GLIPR1L2: variants seen among roughly 807,000 people sequenced by gnomAD.
The protein encoded by GLIPR1L2 is GLIPR1 like 2.
Under a neutral mutation model 28.4 loss-of-function variants are expected in GLIPR1L2, and 21 were observed. The observed-to-expected ratio is 0.74, with a 90% confidence interval of 0.52 to 1.06. GLIPR1L2 has a LOEUF of 1.06. Among genes scored for constraint, GLIPR1L2 ranks in the 50% least tolerant of loss-of-function variants. The pLI, the probability that GLIPR1L2 is intolerant of heterozygous loss-of-function variation, is 0.00. For synonymous variants in GLIPR1L2, 145 were observed against 139.3 expected (o/e 1.04, Z -0.29); for missense variants, 476 against 416.9 (o/e 1.14, Z -1.23).
At chr12:75,391,589 A>T in intron 1 of GLIPR1L2, 1 of 1,394,648 alleles carries the variant, frequency 7.2e-7, no homozygotes, top group Non-Finnish European at 9.7e-7. Flanking sequence ...CACTGGCCTG[A>T]AGTGCAGATT....
At chr12:75,391,507 A>C in intron 1 of GLIPR1L2, 157 bp downstream of exon 1, 3 of 1,537,116 alleles carry the variant, frequency 2.0e-6, no homozygotes, top group Non-Finnish European at 2.6e-6. Context: ...TTACACAGAG[A>C]AAAACTGCGG....
At chr12:75,406,775 G>A (rs11180490) in intron 1 of GLIPR1L2, among the ~76,000 whole-genome samples, 47,028 of 117,922 alleles carry the variant, frequency 0.4, 8,989 homozygotes, top group East Asian at 0.53. Flanking sequence ...AAAAAAAAAA[G>A]AGAGAGAGAG....
intron 2 of GLIPR1L2, among the ~76,000 whole-genome samples, chr12:75,412,788 G>C (rs936624880): frequency 6.6e-6 from 1 of 151,908 alleles, no homozygotes; most frequent in Non-Finnish European, 1.5e-5. Context: ...TCAGTGTGGC[G>C]ATTCCTCAGG....
In GLIPR1L2 at chr12:75,431,320, T is replaced by TTA; in HGVS notation, c.*161_*162dup. 2.0e-6 allele frequency: 1 copy of TTA among 495,892 alleles called. No homozygotes were observed. The highest frequency in any genetic ancestry group is 3.5e-6 in the Non-Finnish European group (1 of 284,458). The allele number at this position is 495,892 out of a possible 1,614,324, so 30.7% of individuals were successfully genotyped here. ...TTTTTTATTCCCTTCTCTCCTATAC[T>TTA]TATTCAATCAATTTAAATTTGTAAA... On this transcript the variant is annotated 3_prime_UTR_variant, in exon 6 of 6. Transcript: ENST00000550916.
intron 1 of GLIPR1L2, among the ~76,000 whole-genome samples, chr12:75,398,328 C>CAAAAA (rs71078729): frequency 0.12 from 10,751 of 87,518 alleles, 1,092 homozygotes; most frequent in African/African-American, 0.16. Context: ...GACTCCATCT[C>CAAAAA]AAAAAAAAAA....
chr12:75,424,377 T>G (rs2046012007), intron 4 of GLIPR1L2, among the ~76,000 whole-genome samples: 2 of 152,240 alleles, frequency 1.3e-5, no homozygotes, highest in Admixed American at 1.3e-4. Flanking sequence ...TTGAGAAGTG[T>G]CTGTTCATGT....
Position 75,431,136 on chromosome 12 carries a change from A to G in GLIPR1L2, c.1010A>G (p.Glu337Gly), listed in dbSNP as rs772355621. The change falls in exon 6 of 6, where the codon GAA (glutamate) becomes GGA (glycine). Residue 337 changes from glutamate to glycine, a missense_variant. By Grantham distance (98) the Glu-to-Gly change is moderately conservative (BLOSUM62 -2). Coordinates refer to ENST00000550916, the MANE Select transcript of GLIPR1L2 (RefSeq NM_001270396.2). ...REEEEEETQK[E>G]KMEEEEK ...GAGGAGGAGGAGGAAACACAAAAAGAAAAGATGGAGGAAGAGGAAAAATAA... is the reference window on the plus strand; with the variant it reads ...GAGGAGGAGGAGGAAACACAAAAAGGAAAGATGGAGGAAGAGGAAAAATAA... 8 of 859,974 alleles carry G rather than the reference A, an allele frequency of 9.3e-6. No individual in the cohort carries two copies. In the East Asian group the frequency reaches 1.8e-4, roughly 20 times the overall value. 53.3% of individuals were successfully genotyped at this position (859,974 alleles called of 1,614,324 possible). A position where few individuals can be genotyped will look rare whatever the true frequency, so the allele number is the denominator to read the frequency against.
intron 1 of GLIPR1L2, among the ~76,000 whole-genome samples, chr12:75,399,094 C>T (rs534462443): frequency 1.6e-4 from 25 of 152,038 alleles, no homozygotes; most frequent in South Asian, 6.2e-4. Flanking sequence ...TATTGATGGA[C>T]ATTCAGGTTG....
At chr12:75,396,124 A>T (rs1436899782) in intron 1 of GLIPR1L2, among the ~76,000 whole-genome samples, 1 of 151,332 alleles carries the variant, frequency 6.6e-6, no homozygotes, top group Non-Finnish European at 1.5e-5. Flanking sequence ...TTCTTTTTTG[A>T]TTCATTGCTT....
chr12:75,412,107 C>A (rs561103034), intron 2 of GLIPR1L2, among the ~76,000 whole-genome samples: 1 of 152,088 alleles, frequency 6.6e-6, no homozygotes, highest in Admixed American at 6.6e-5. Context: ...ACTCTTGTAT[C>A]ATTTTTACTT....
At position 75,422,966 on chromosome 12, in the gene GLIPR1L2, A is replaced by G; in HGVS notation, c.647A>G (p.Asp216Gly). 1 of 1,613,244 alleles carries G rather than the reference A, an allele frequency of 6.2e-7. No individual in the cohort carries two copies. ...GIFCTRCGRRDKCTDFLCSNA... is the reference protein window; with the variant it reads ...GIFCTRCGRRGKCTDFLCSNA... ...TTTTGTACTCGATGTGGCAGACGTGACAAATGCACAGATTTTCTATGCAGT... is the reference window on the plus strand; with the variant it reads ...TTTTGTACTCGATGTGGCAGACGTGGCAAATGCACAGATTTTCTATGCAGT... Residue 216 changes from aspartate to glycine, a missense_variant, in exon 4 of 6, where the codon GAC (aspartate) becomes GGC (glycine). Coordinates refer to ENST00000550916, the MANE Select transcript of GLIPR1L2 (RefSeq NM_001270396.2).
chr12:75,391,230 T>C lies in GLIPR1L2; in HGVS notation c.114T>C (p.Ser38=). Residue 38 remains serine, a synonymous_variant, in exon 1 of 6, where the codon TCT becomes TCC. Transcript: ENST00000550916. ...LCELWLLLLG[S]SLNARFLPDE... ...AGCTGTGGCTACTGCTACTGGGTTC[T>C]AGTTTGAACGCCAGATTTTTGCCAG... 6.2e-7 allele frequency: 1 copy of C among 1,614,226 alleles called. No homozygotes were observed. Among genetic ancestry groups the C allele is most frequent in the African/African-American group, 1.3e-5 (1 of 75,076 alleles).
intron 4 of GLIPR1L2, among the ~76,000 whole-genome samples, chr12:75,424,601 A>G (rs951124513): frequency 7.1e-6 from 1 of 141,414 alleles, no homozygotes; most frequent in African/African-American, 2.5e-5. Context: ...AGGTGCCACC[A>G]TGCCCAGCTA....
chr12:75,418,478 A>G (rs1007361628), intron 3 of GLIPR1L2, among the ~76,000 whole-genome samples: 5 of 152,208 alleles, frequency 3.3e-5, no homozygotes, highest in Non-Finnish European at 7.3e-5. Flanking sequence ...AAAATTATTT[A>G]TTAAATAGAG....
At chr12:75,408,882 T>C (rs928700690) in intron 1 of GLIPR1L2, among the ~76,000 whole-genome samples, 3 of 152,050 alleles carry the variant, frequency 2.0e-5, no homozygotes, top group African/African-American at 7.2e-5. Flanking sequence ...TAGAGAGATG[T>C]ATAAACAGGC....
At chr12:75,399,648 G>C (rs900569233) in intron 1 of GLIPR1L2, among the ~76,000 whole-genome samples, 1 of 151,878 alleles carries the variant, frequency 6.6e-6, no homozygotes, top group Non-Finnish European at 1.5e-5. Flanking sequence ...TTCGTCTTTG[G>C]TATGAGTTGT....
At chr12:75,411,352 C>T (rs2045865055) in intron 2 of GLIPR1L2, among the ~76,000 whole-genome samples, 3 of 151,784 alleles carry the variant, frequency 2.0e-5, no homozygotes, top group African/African-American at 7.2e-5. Context: ...GCATGAACTC[C>T]CACATTTACT....
At chr12:75,422,594 G>A (rs111850692) in intron 3 of GLIPR1L2, among the ~76,000 whole-genome samples, 94 of 152,238 alleles carry the variant, frequency 6.2e-4, no homozygotes, top group African/African-American at 2.1e-3. Flanking sequence ...GAGCCACCGC[G>A]CCCGGTCTAC....
intron 1 of GLIPR1L2, among the ~76,000 whole-genome samples, chr12:75,401,609 A>G (rs142651244): frequency 3.3e-5 from 5 of 152,192 alleles, no homozygotes; most frequent in Non-Finnish European, 7.4e-5. Context: ...TCTAATATCC[A>G]TGAAAAACAT....
Sources: gnomAD v4.1 joint callset for allele counts (sites outside exome capture counted in the v4.1 genomes callset) on GRCh38, gnomAD v4.1.1 for gene constraint, MANE v1.5 for transcripts, NCBI Gene and HGNC (gene_info 2026-07-23, HGNC 2026-07-21) for gene names.